SGCZ: variants seen among roughly 807,000 people sequenced by gnomAD.
The protein encoded by SGCZ is sarcoglycan zeta.
In SGCZ, 40 loss-of-function variants were observed where a neutral mutation model predicts 41.3. That is an observed-to-expected ratio of 0.97 (90% CI 0.75 to 1.26). The LOEUF is 1.26. SGCZ is among the 50% of genes most tolerant of loss of function. SGCZ has a pLI of 0.00. For synonymous variants in SGCZ, 206 were observed against 137.5 expected (o/e 1.50, Z -3.49); for missense variants, 552 against 369.8 (o/e 1.49, Z -4.04).
intron 1 of SGCZ, among the ~76,000 whole-genome samples, chr8:14,813,076 T>A (rs1182924770): frequency 6.6e-6 from 1 of 152,100 alleles, no homozygotes; most frequent in East Asian, 1.9e-4. Context: ...AATTTTAAAG[T>A]TTGAAATATT....
chr8:14,319,070 A>C (rs1801826635), intron 3 of SGCZ, among the ~76,000 whole-genome samples: 1 of 152,134 alleles, frequency 6.6e-6, no homozygotes, highest in African/African-American at 2.4e-5. Flanking sequence ...GTTAAAAATT[A>C]TTCATGAAAT....
intron 2 of SGCZ, among the ~76,000 whole-genome samples, chr8:14,479,731 C>CTT (rs529812029): frequency 0.031 from 1,639 of 52,670 alleles, 151 homozygotes; most frequent in African/African-American, 0.062. Flanking sequence ...AATTCTACTT[C>CTT]TTTTTTTTTT....
chr8:15,015,372 A>G (rs1273650477), intron 1 of SGCZ, among the ~76,000 whole-genome samples: 1 of 152,150 alleles, frequency 6.6e-6, no homozygotes, highest in Non-Finnish European at 1.5e-5. Flanking sequence ...ACACTGTAAA[A>G]TAAGACAGAT....
intron 1 of SGCZ, among the ~76,000 whole-genome samples, chr8:14,684,039 A>G (rs1808529658): frequency 6.6e-6 from 1 of 152,164 alleles, no homozygotes; most frequent in South Asian, 2.1e-4. Flanking sequence ...AAAGTGGTTT[A>G]TGGTATACAG....
chr8:14,160,359 A>C (rs1804002649), intron 5 of SGCZ, among the ~76,000 whole-genome samples: 1 of 152,232 alleles, frequency 6.6e-6, no homozygotes, highest in African/African-American at 2.4e-5. Context: ...TCTGCCTGAA[A>C]GCATTAAATT....
At chr8:14,412,603 G>A (rs951902434) in intron 2 of SGCZ, among the ~76,000 whole-genome samples, 30 of 151,968 alleles carry the variant, frequency 2.0e-4, no homozygotes, top group Non-Finnish European at 8.8e-5. Context: ...ACACAACAGC[G>A]AACATCTTAA....
At chr8:14,853,905 T>A (rs1803441794) in intron 1 of SGCZ, among the ~76,000 whole-genome samples, 2 of 151,624 alleles carry the variant, frequency 1.3e-5, no homozygotes, top group African/African-American at 4.8e-5. Context: ...TCCTTCCTCC[T>A]TGCCAATACA....
chr8:14,901,427 T>A (rs1798965175), intron 1 of SGCZ, among the ~76,000 whole-genome samples: 1 of 152,184 alleles, frequency 6.6e-6, no homozygotes, highest in African/African-American at 2.4e-5. Flanking sequence ...GGCAATACAT[T>A]AAGAGAATAA....
chr8:14,326,097 G>C (rs528453471), intron 2 of SGCZ, among the ~76,000 whole-genome samples: 1 of 11,758 alleles, frequency 8.5e-5, no homozygotes, highest in Non-Finnish European at 2.6e-4. Context: ...GGGCGAAAGA[G>C]TGAGACTCCG....
chr8:14,403,026 T>G (rs1321364726), intron 2 of SGCZ, among the ~76,000 whole-genome samples: 2 of 150,058 alleles, frequency 1.3e-5, no homozygotes, highest in African/African-American at 5.1e-5. Context: ...GTTGGATTCC[T>G]AGGTATTTTC....
chr8:15,136,437 G>T (rs1484519095), intron 1 of SGCZ, among the ~76,000 whole-genome samples: 1 of 151,756 alleles, frequency 6.6e-6, no homozygotes, highest in African/African-American at 2.4e-5. Context: ...AGTTGACGAA[G>T]TAGGAGAGAC....
intron 1 of SGCZ, among the ~76,000 whole-genome samples, chr8:15,040,800 T>C (rs1021499936): frequency 1.3e-5 from 2 of 152,198 alleles, no homozygotes; most frequent in African/African-American, 4.8e-5. Flanking sequence ...TTTTTAAACA[T>C]ATCAAAAGAT....
chr8:14,127,919 C>T lies in SGCZ; in HGVS notation c.548-19684G>A, dbSNP rs189078435. Among the ~76,000 whole-genome samples, 880 of 152,286 alleles carry T rather than the reference C, an allele frequency of 5.8e-3. 10 individuals are homozygous for T. The highest frequency in any genetic ancestry group is 0.021 in the African/African-American group (855 of 41,558). ...TCTTTTCTGCTCTGCTCCCTCCTCC[C>T]AACCTCCCCCCGCATCAAGTAGACC... On this transcript the variant is annotated intron_variant, in intron 5 of 7. Transcript: ENST00000382080.
chr8:14,672,905 G>C (rs563312833), intron 1 of SGCZ, among the ~76,000 whole-genome samples: 2 of 152,222 alleles, frequency 1.3e-5, no homozygotes, highest in South Asian at 4.1e-4. Context: ...GGGTCACATG[G>C]TCTATGCTGC....
At chr8:14,207,174 T>C (rs561194765) in intron 4 of SGCZ, among the ~76,000 whole-genome samples, 165 of 15,064 alleles carry the variant, frequency 0.011, no homozygotes, top group African/African-American at 0.025. Context: ...TAAACTAGCT[T>C]GACCTTTGTA....
intron 1 of SGCZ, among the ~76,000 whole-genome samples, chr8:14,858,576 A>G (rs573356866): frequency 2.6e-4 from 39 of 152,290 alleles, no homozygotes; most frequent in Non-Finnish European, 4.7e-4. Context: ...TGATATTACA[A>G]TGAAAGCCAG....
At chr8:14,662,406 G>C (rs1053599892) in intron 1 of SGCZ, among the ~76,000 whole-genome samples, 2 of 152,136 alleles carry the variant, frequency 1.3e-5, no homozygotes, top group Non-Finnish European at 1.5e-5. Context: ...TCAGGAAAAA[G>C]GGAGATAAAG....
intron 2 of SGCZ, among the ~76,000 whole-genome samples, chr8:14,390,803 C>G (rs1804743918): frequency 6.6e-6 from 1 of 151,888 alleles, no homozygotes; most frequent in African/African-American, 2.4e-5. Flanking sequence ...GAGCAATATT[C>G]TAAAGCGTGT....
intron 6 of SGCZ, among the ~76,000 whole-genome samples, chr8:14,103,299 G>C (rs894441533): frequency 6.6e-6 from 1 of 151,906 alleles, no homozygotes; most frequent in African/African-American, 2.4e-5. Context: ...CACAACACAG[G>C]AACTAGAATA....
Sources: gnomAD v4.1 joint callset for allele counts (sites outside exome capture counted in the v4.1 genomes callset) on GRCh38, gnomAD v4.1.1 for gene constraint, MANE v1.5 for transcripts, NCBI Gene and HGNC (gene_info 2026-07-23, HGNC 2026-07-21) for gene names.